Variants in PTPRD observed in about 807,000 individuals in gnomAD.
PTPRD encodes receptor-type tyrosine-protein phosphatase delta.
A neutral mutation model predicts 214.5 loss-of-function variants in PTPRD; 34 were observed. That is an observed-to-expected ratio of 0.16 (90% CI 0.12 to 0.21). The LOEUF is 0.21. PTPRD is among the 10% of genes least tolerant of loss of function. PTPRD has a pLI of 1.00. For synonymous variants in PTPRD, 1,128 were observed against 845.7 expected (o/e 1.33, Z -5.79); for missense variants, 2,545 against 2,398.7 (o/e 1.06, Z -1.27).
Position 9,385,803 on chromosome 9 carries a change from A to G in PTPRD, c.-203+11646T>C, listed in dbSNP as rs577698522. Among the ~76,000 whole-genome samples, 8 of 152,300 alleles carry G rather than the reference A, an allele frequency of 5.3e-5. No individual in the cohort carries two copies. The East Asian group carries it at 1.4e-3, about 26-fold the overall frequency. On this transcript the variant is annotated intron_variant, in intron 9 of 45. Transcript: ENST00000381196. ...ACTTTTAAATTCCGCTTTCCATTTG[A>G]AGAAATAATCTTGTAATTAAAGTGA...
intron 9 of PTPRD, among the ~76,000 whole-genome samples, chr9:9,343,866 G>A (rs2047785951): frequency 6.6e-6 from 1 of 152,006 alleles, no homozygotes; most frequent in Non-Finnish European, 1.5e-5. Context: ...TATATCCTGG[G>A]TGAAATTCTT....
chr9:9,514,921 T>A (rs1333765593), intron 8 of PTPRD, among the ~76,000 whole-genome samples: 1 of 152,102 alleles, frequency 6.6e-6, no homozygotes, highest in African/African-American at 2.4e-5. Context: ...CAAATACTTA[T>A]TTGTAAAGTG....
At chr9:9,520,781 A>G (rs2096952381) in intron 8 of PTPRD, among the ~76,000 whole-genome samples, 1 of 152,176 alleles carries the variant, frequency 6.6e-6, no homozygotes, top group African/African-American at 2.4e-5. Flanking sequence ...GGGTTACAGA[A>G]CTGTGGGATT....
intron 9 of PTPRD, among the ~76,000 whole-genome samples, chr9:9,201,743 T>G (rs1593440065): frequency 6.6e-6 from 1 of 152,316 alleles, no homozygotes; most frequent in Admixed American, 6.5e-5. Context: ...ACAAAATAAT[T>G]CTCATTAATT....
chr9:8,852,886 C>T (rs1285470339), intron 11 of PTPRD, among the ~76,000 whole-genome samples: 4 of 152,102 alleles, frequency 2.6e-5, no homozygotes, highest in Non-Finnish European at 5.9e-5. Context: ...CAGGAAGATA[C>T]AGAATTAATC....
chr9:8,581,394 T>C (rs1274378590), intron 14 of PTPRD, among the ~76,000 whole-genome samples: 1 of 151,996 alleles, frequency 6.6e-6, no homozygotes, highest in African/African-American at 2.4e-5. Context: ...ATCCTAAACT[T>C]CCAGTGAGTC....
intron 14 of PTPRD, among the ~76,000 whole-genome samples, chr9:8,583,809 G>A (rs1027267344): frequency 5.3e-5 from 8 of 152,148 alleles, no homozygotes; most frequent in Non-Finnish European, 1.2e-4. Flanking sequence ...GAATTTAACA[G>A]ATGTTTGTTC....
intron 7 of PTPRD, among the ~76,000 whole-genome samples, chr9:9,689,710 A>T (rs910153763): frequency 1.3e-5 from 2 of 151,894 alleles, no homozygotes; most frequent in Non-Finnish European, 2.9e-5. Context: ...TCACTTTATA[A>T]GTTCCCATAT....
At chr9:10,200,896 C>T (rs1316321046) in intron 3 of PTPRD, among the ~76,000 whole-genome samples, 2 of 151,952 alleles carry the variant, frequency 1.3e-5, no homozygotes, top group Non-Finnish European at 2.9e-5. Flanking sequence ...AGTAAACTTC[C>T]TTTTTAATTT....
At chr9:8,403,526 C>G (rs1284873217) in intron 36 of PTPRD, among the ~76,000 whole-genome samples, 2 of 152,142 alleles carry the variant, frequency 1.3e-5, no homozygotes, top group Non-Finnish European at 2.9e-5. Flanking sequence ...GCCAGAGTAA[C>G]TAATGAAATA....
chr9:9,953,464 AAAATT>A (rs1335925017), intron 4 of PTPRD, among the ~76,000 whole-genome samples: 6 of 151,900 alleles, frequency 3.9e-5, no homozygotes, highest in Non-Finnish European at 4.4e-5. Flanking sequence ...TGAAATAAAA[AAAATT>A]AAATTAAAAT....
chr9:9,323,388 A>C (rs1270126681), intron 9 of PTPRD, among the ~76,000 whole-genome samples: 1 of 152,158 alleles, frequency 6.6e-6, no homozygotes, highest in Non-Finnish European at 1.5e-5. Flanking sequence ...TAGAAGTACA[A>C]TTATCCTAAC....
chr9:9,669,672 G>C (rs912174836), intron 7 of PTPRD, among the ~76,000 whole-genome samples: 1 of 152,082 alleles, frequency 6.6e-6, no homozygotes, highest in African/African-American at 2.4e-5. Flanking sequence ...ACATTTATGA[G>C]TCAGAAACTA....
intron 4 of PTPRD, among the ~76,000 whole-genome samples, chr9:9,944,212 G>C (rs1436950881): frequency 6.6e-6 from 1 of 152,054 alleles, no homozygotes; most frequent in Non-Finnish European, 1.5e-5. Flanking sequence ...CTCTTTCACA[G>C]ATGTCAATCA....
chr9:9,874,243 T>C (rs2066241971), intron 5 of PTPRD, among the ~76,000 whole-genome samples: 1 of 152,172 alleles, frequency 6.6e-6, no homozygotes, highest in Non-Finnish European at 1.5e-5. Flanking sequence ...GAGGGCTATG[T>C]ATACAGGGGA....
chr9:9,513,314 T>C (rs185808678), intron 8 of PTPRD, among the ~76,000 whole-genome samples: 125 of 152,140 alleles, frequency 8.2e-4, no homozygotes, highest in African/African-American at 2.8e-3. Flanking sequence ...TTCATGCTAA[T>C]ATCTTTGCCC....
chr9:9,004,236 T>C (rs2099443156), intron 11 of PTPRD, among the ~76,000 whole-genome samples: 1 of 152,060 alleles, frequency 6.6e-6, no homozygotes, highest in Non-Finnish European at 1.5e-5. Flanking sequence ...TCCACATTAT[T>C]TCAACTCATT....
chr9:10,573,145 C>G (rs1242978132), intron 2 of PTPRD, among the ~76,000 whole-genome samples: 1 of 152,188 alleles, frequency 6.6e-6, no homozygotes. Context: ...ACACCTCCCC[C>G]ACAAAAATAG....
intron 3 of PTPRD, among the ~76,000 whole-genome samples, chr9:10,057,630 G>A (rs1213923592): frequency 6.6e-6 from 1 of 152,086 alleles, no homozygotes; most frequent in Non-Finnish European, 1.5e-5. Flanking sequence ...GGATCACGAG[G>A]TCAGGAGTTA....
Sources: allele counts gnomAD v4.1 joint callset (sites outside exome capture counted in the v4.1 genomes callset), GRCh38; gene constraint gnomAD v4.1.1; transcripts MANE v1.5; gene names NCBI Gene and HGNC (gene_info 2026-07-23, HGNC 2026-07-21).